Variants in ULK4 observed in about 807,000 individuals in gnomAD.
ULK4 encodes the protein inactive serine/threonine-protein kinase ULK4.
ULK4 carries 133 observed loss-of-function variants against 160.6 expected under a neutral mutation model. That is an observed-to-expected ratio of 0.83 (90% CI 0.72 to 0.96). The LOEUF is 0.96. Among genes scored for constraint, ULK4 ranks in the 40% least tolerant of loss-of-function variants. ULK4 has a pLI of 0.00. For missense variants in ULK4, 1,580 were observed against 1,499.5 expected (o/e 1.05, Z -0.89); for synonymous variants, 534 against 539.8 (o/e 0.99, Z 0.15).
intron 30 of ULK4, among the ~76,000 whole-genome samples, chr3:41,629,214 G>C (rs1336331715): frequency 6.6e-6 from 1 of 152,166 alleles, no homozygotes; most frequent in Non-Finnish European, 1.5e-5. Flanking sequence ...GACGTTTGCG[G>C]CCTCAGCTGG....
chr3:41,935,391 T>C (rs961450958), intron 4 of ULK4, among the ~76,000 whole-genome samples: 1 of 151,944 alleles, frequency 6.6e-6, no homozygotes, highest in Non-Finnish European at 1.5e-5. Flanking sequence ...CACGCCCAGC[T>C]AAATTTGTAT....
intron 35 of ULK4, among the ~76,000 whole-genome samples, chr3:41,327,553 C>A (rs1282817037): frequency 6.6e-6 from 1 of 152,142 alleles, no homozygotes; most frequent in African/African-American, 2.4e-5. Context: ...ACATAATTAA[C>A]ACCTCTTCAT....
At chr3:41,572,957 G>A (rs1165586907) in intron 31 of ULK4, among the ~76,000 whole-genome samples, 3 of 152,042 alleles carry the variant, frequency 2.0e-5, no homozygotes, top group Admixed American at 6.5e-5. Flanking sequence ...ACAGAAGATG[G>A]CATCATTGAG....
In ULK4 at chr3:41,537,459, C is replaced by T. The variant is rs141059255; in HGVS notation, c.3226+28566G>A. 4.6e-5 allele frequency among the ~76,000 whole-genome samples: 7 copies of T among 152,260 alleles called. No homozygotes were observed. The East Asian group carries it at 1.2e-3, about 25-fold the overall frequency. On this transcript the variant is annotated intron_variant, in intron 32 of 36. Transcript: ENST00000301831. ...TTCAAAAATGTTGACATTTTCAAAG[C>T]CTTTTATTGAGTAAAAAGCCTGTAA... is the stretch of plus-strand genomic sequence containing the variant.
intron 35 of ULK4, among the ~76,000 whole-genome samples, chr3:41,341,707 T>C (rs1305807640): frequency 6.6e-6 from 1 of 152,174 alleles, no homozygotes; most frequent in African/African-American, 2.4e-5. Context: ...AGTGGCTTGA[T>C]GGCAGCCACA....
intron 35 of ULK4, among the ~76,000 whole-genome samples, chr3:41,352,020 T>TA (rs1379483667): frequency 6.6e-6 from 1 of 152,156 alleles, no homozygotes; most frequent in Admixed American, 6.5e-5. Context: ...ATTGCATAGA[T>TA]AGAGGTAGTC....
intron 16 of ULK4, among the ~76,000 whole-genome samples, chr3:41,892,179 T>C (rs539156372): frequency 6.6e-6 from 1 of 152,308 alleles, no homozygotes; most frequent in African/African-American, 2.4e-5. Context: ...ATATCTAGAA[T>C]ATATAAAAAA....
At chr3:41,834,452 G>C (rs904831745) in intron 18 of ULK4, among the ~76,000 whole-genome samples, 1 of 152,072 alleles carries the variant, frequency 6.6e-6, no homozygotes, top group Non-Finnish European at 1.5e-5. Context: ...CATAATCAGT[G>C]TAGTTTTTAA....
At chr3:41,311,208 T>C (rs192096574) in intron 35 of ULK4, among the ~76,000 whole-genome samples, 1 of 152,158 alleles carries the variant, frequency 6.6e-6, no homozygotes, top group Admixed American at 6.5e-5. Flanking sequence ...GAGTGTCAAC[T>C]TGATTGGATT....
chr3:41,570,343 T>C (rs922128857), intron 31 of ULK4, among the ~76,000 whole-genome samples: 1 of 152,216 alleles, frequency 6.6e-6, no homozygotes, highest in Non-Finnish European at 1.5e-5. Context: ...CTTAAGAAGA[T>C]TAATGTGGAA....
At chr3:41,393,342 A>G (rs2081993978) in intron 35 of ULK4, among the ~76,000 whole-genome samples, 1 of 152,178 alleles carries the variant, frequency 6.6e-6, no homozygotes, top group South Asian at 2.1e-4. Flanking sequence ...AACAATGTCT[A>G]AACTCTAAAT....
chr3:41,301,757 T>A (rs1164594758), intron 35 of ULK4, among the ~76,000 whole-genome samples: 1 of 152,186 alleles, frequency 6.6e-6, no homozygotes, highest in Non-Finnish European at 1.5e-5. Context: ...ATGTCATCAC[T>A]AAAGTATCTC....
intron 17 of ULK4, chr3:41,854,918 G>A (rs1347458598): frequency 3.0e-5 from 4 of 132,780 alleles, no homozygotes; most frequent in Non-Finnish European, 6.2e-5. Context: ...TCTCACATCT[G>A]TTCAGTGGGC....
Position 41,907,865 on chromosome 3 carries a change from T to C in ULK4, c.1162A>G (p.Lys388Glu). The part of the protein sequence containing the change: ...GEDMTHCSPQ[K>E]TSPLTKITSG... ...CTCACCTTGGTCAGAGGAGAAGTCTTCTGTGGTGAACAGTGAGTCATATCC... is the reference window on the plus strand; with the variant it reads ...CTCACCTTGGTCAGAGGAGAAGTCTCCTGTGGTGAACAGTGAGTCATATCC... Residue 388 changes from lysine to glutamate, a missense_variant, in exon 12 of 37, where the codon AAG becomes GAG. Transcript: ENST00000301831. 6.3e-7 allele frequency: 1 copy of C among 1,596,246 alleles called. No individual in the cohort carries two copies. Among genetic ancestry groups the C allele is most frequent in the Non-Finnish European group, 8.5e-7 (1 of 1,172,430 alleles).
chr3:41,770,328 A>G (rs765566706), intron 21 of ULK4, among the ~76,000 whole-genome samples: 26 of 152,120 alleles, frequency 1.7e-4, no homozygotes, highest in Non-Finnish European at 3.1e-4. Context: ...GTGTCAAAAC[A>G]CAAAACATGA....
chr3:41,919,628 ACATCTTATAGGT>A (rs1375369386), intron 6 of ULK4, 77 bp downstream of exon 6: 1 of 1,109,628 alleles, frequency 9.0e-7, no homozygotes, highest in Admixed American at 2.1e-5. Flanking sequence ...TAGTTTTTTC[ACATCTTATAGGT>A]AAAACATCTG....
At chr3:41,438,978 TAAAAAAA>T (rs10591684) in intron 34 of ULK4, among the ~76,000 whole-genome samples, 4 of 134,566 alleles carry the variant, frequency 3.0e-5, no homozygotes, top group Non-Finnish European at 6.5e-5. Flanking sequence ...CAGGAAAATT[TAAAAAAA>T]AAAAAAAAAA....
intron 35 of ULK4, among the ~76,000 whole-genome samples, chr3:41,357,774 G>A (rs2081056558): frequency 6.6e-6 from 1 of 152,194 alleles, no homozygotes; most frequent in Non-Finnish European, 1.5e-5. Flanking sequence ...AAGGAGACAT[G>A]TAGATTTGAT....
chr3:41,542,967 C>A (rs937837550), intron 32 of ULK4, among the ~76,000 whole-genome samples: 2 of 152,026 alleles, frequency 1.3e-5, no homozygotes, highest in African/African-American at 2.4e-5. Context: ...GCTGAGAAAT[C>A]TACTCAACTA....
Sources: gnomAD v4.1 joint callset for allele counts (sites outside exome capture counted in the v4.1 genomes callset) on GRCh38, gnomAD v4.1.1 for gene constraint, MANE v1.5 for transcripts, NCBI Gene and HGNC (gene_info 2026-07-23, HGNC 2026-07-21) for gene names.